The following PTPRG variants were observed in gnomAD, a reference collection of about 807,000 sequenced individuals.
PTPRG encodes the protein receptor-type tyrosine-protein phosphatase gamma.
A neutral mutation model predicts 165.3 loss-of-function variants in PTPRG; 102 were observed. That is an observed-to-expected ratio of 0.62 (90% CI 0.53 to 0.73). The LOEUF (loss-of-function observed/expected upper bound fraction) is 0.73, where lower values mean the gene tolerates loss of function less well. Ranked by LOEUF, PTPRG falls within the 30% of genes least tolerant of loss-of-function variation. The pLI is 0.00. For missense variants in PTPRG, 1,866 were observed against 1,861.4 expected (o/e 1.00, Z -0.05); for synonymous variants, 675 against 669.5 (o/e 1.01, Z -0.13).
At chr3:61,811,647 A>C (rs868528571) in intron 2 of PTPRG, among the ~76,000 whole-genome samples, 10 of 152,310 alleles carry the variant, frequency 6.6e-5, no homozygotes, top group African/African-American at 2.4e-4. Context: ...CTGCTTTTTC[A>C]CAAAACACAA....
At chr3:62,020,781 A>G (rs1188095418) in intron 4 of PTPRG, among the ~76,000 whole-genome samples, 2 of 151,266 alleles carry the variant, frequency 1.3e-5, no homozygotes, top group East Asian at 1.9e-4. Context: ...GTGGCACATC[A>G]CAGCTCACTG....
chr3:61,820,365 G>T (rs180784430), intron 2 of PTPRG, among the ~76,000 whole-genome samples: 2 of 152,246 alleles, frequency 1.3e-5, no homozygotes, highest in African/African-American at 4.8e-5. Flanking sequence ...CACTCAGGGT[G>T]CCCTGAATGG....
At position 61,798,619 on chromosome 3, in the gene PTPRG, G is replaced by GTTTTT. The variant is rs375412571; in HGVS notation, c.190+49652_190+49656dup. Among the ~76,000 whole-genome samples, 4 of 128,140 alleles carry GTTTTT rather than the reference G, an allele frequency of 3.1e-5. 1 individual carries two copies. Among genetic ancestry groups the GTTTTT allele is most frequent in the Non-Finnish European group, 3.2e-5 (2 of 61,642 alleles). 84.1% of individuals were successfully genotyped at this position (128,140 alleles called of 152,430 possible). ...CAAAGTGCTGTTGTTGTTGCTGCTG[G>GTTTTT]TTTTTTTTTTTTTTTTTTTAAACCC... is the stretch of plus-strand genomic sequence containing the variant. On this transcript the variant is annotated intron_variant, in intron 2 of 29. Coordinates refer to ENST00000474889, the MANE Select transcript of PTPRG (RefSeq NM_002841.4).
At chr3:61,794,854 A>T (rs1240886523) in intron 2 of PTPRG, among the ~76,000 whole-genome samples, 1 of 152,154 alleles carries the variant, frequency 6.6e-6, no homozygotes, top group East Asian at 1.9e-4. Flanking sequence ...GGTGTGTTTT[A>T]TACTCTATAA....
intron 4 of PTPRG, among the ~76,000 whole-genome samples, chr3:62,069,313 A>G (rs189001635): frequency 1.3e-5 from 2 of 152,330 alleles, no homozygotes; most frequent in East Asian, 3.9e-4. Flanking sequence ...TTCAATATAC[A>G]AATCCGGTCT....
At chr3:61,630,811 A>G (rs969875836) in intron 1 of PTPRG, among the ~76,000 whole-genome samples, 3 of 152,116 alleles carry the variant, frequency 2.0e-5, no homozygotes, top group African/African-American at 7.2e-5. Context: ...TAATCCCAGC[A>G]CTTTGGGAGG....
Position 62,203,655 on chromosome 3 carries a change from G to T in PTPRG, c.1860G>T (p.Gln620His). Residue 620 changes from glutamine (Q) to histidine (H), a missense_variant, in exon 12 of 30, where the codon CAG becomes CAT. Physicochemically the swap from Gln to His is conservative, Grantham distance 24. Coordinates refer to ENST00000474889, the MANE Select transcript of PTPRG (RefSeq NM_002841.4). This position sits in a 1 kb window ranked among gnomAD's most constrained non-coding sequence, Gnocchi z 6.4. ...GVTHAAEERN[Q>H]TEPSPTPSSP... Reference sequence around the variant, plus strand: ...CCCACGCTGCCGAGGAGCGGAATCAGACGGAGCCCAGCCCCACACCCTCGT... The same window carrying T: ...CCCACGCTGCCGAGGAGCGGAATCATACGGAGCCCAGCCCCACACCCTCGT... 4 of 1,561,904 alleles carry T rather than the reference G, an allele frequency of 2.6e-6. No individual in the cohort carries two copies. The South Asian group carries it at 3.5e-5, about 14-fold the overall frequency.
intron 26 of PTPRG, among the ~76,000 whole-genome samples, chr3:62,279,990 A>G (rs1702373214): frequency 6.6e-6 from 1 of 151,966 alleles, no homozygotes; most frequent in Admixed American, 6.6e-5. Context: ...ACAGTCTCCA[A>G]CCTATGCAAC....
In PTPRG at chr3:61,672,987, CTG is replaced by C. The variant is rs1324301043; in HGVS notation, c.86-75889_86-75888del. On this transcript the variant is annotated intron_variant, in intron 1 of 29. Coordinates refer to ENST00000474889, the MANE Select transcript of PTPRG (RefSeq NM_002841.4). ...GACCAGCCTGTGTGACATGGTGAGA[CTG>C]TCTCTGCAAAATATAAAAAATTAGC... Among the ~76,000 whole-genome samples, 7 of 149,636 alleles carry C rather than the reference CTG, an allele frequency of 4.7e-5. No individual in the cohort carries two copies. In the Admixed American group the frequency reaches 4.7e-4, roughly 10 times the overall value.
chr3:62,264,285 C>T (rs1352736490), intron 17 of PTPRG: 1 of 152,148 alleles, frequency 6.6e-6, no homozygotes, highest in African/African-American at 2.4e-5. Context: ...TGCACTCAAG[C>T]CTGGGGAACA....
chr3:61,567,533 G>C (rs1421020574), intron 1 of PTPRG, among the ~76,000 whole-genome samples: 1 of 151,688 alleles, frequency 6.6e-6, no homozygotes, highest in African/African-American at 2.4e-5. Context: ...AAATTAGCTG[G>C]GTGCACTCTT....
At chr3:62,004,537 C>T (rs1236207426) in intron 4 of PTPRG, among the ~76,000 whole-genome samples, 1 of 152,194 alleles carries the variant, frequency 6.6e-6, no homozygotes, top group Non-Finnish European at 1.5e-5. Context: ...ACATTTCTTC[C>T]TTGCTATATA....
intron 1 of PTPRG, among the ~76,000 whole-genome samples, chr3:61,698,840 T>C (rs576506929): frequency 6.6e-6 from 1 of 152,244 alleles, no homozygotes; most frequent in South Asian, 2.1e-4. Context: ...TATGCAGCCA[T>C]AAAAAATGAT....
intron 2 of PTPRG, among the ~76,000 whole-genome samples, chr3:61,982,247 G>A (rs1054095832): frequency 6.6e-6 from 1 of 152,134 alleles, no homozygotes; most frequent in Non-Finnish European, 1.5e-5. Flanking sequence ...AGTAAGAATT[G>A]TGATAACTTT....
chr3:61,788,109 C>A (rs1328464177), intron 2 of PTPRG, among the ~76,000 whole-genome samples: 2 of 152,140 alleles, frequency 1.3e-5, no homozygotes, highest in African/African-American at 4.8e-5. Flanking sequence ...CAACTTCTTT[C>A]CTTTTCCCAG....
chr3:61,639,897 C>T (rs531904504), intron 1 of PTPRG, among the ~76,000 whole-genome samples: 1 of 152,228 alleles, frequency 6.6e-6, no homozygotes, highest in African/African-American at 2.4e-5. Context: ...CTTTCTTTCT[C>T]TTACCTGATT....
intron 3 of PTPRG, among the ~76,000 whole-genome samples, chr3:62,002,484 AT>A (rs2041195645): frequency 6.6e-6 from 1 of 152,184 alleles, no homozygotes; most frequent in Admixed American, 6.5e-5. Context: ...CTTGAATAGA[AT>A]TTGTTTTTTA....
At chr3:62,174,998 A>T (rs1259409381) in intron 8 of PTPRG, among the ~76,000 whole-genome samples, 1 of 150,760 alleles carries the variant, frequency 6.6e-6, no homozygotes, top group Non-Finnish European at 1.5e-5. Flanking sequence ...AAGAAAGAAG[A>T]CAAAAAAAAC....
intron 4 of PTPRG, among the ~76,000 whole-genome samples, chr3:62,005,226 C>T (rs971377322): frequency 2.0e-5 from 3 of 152,166 alleles, no homozygotes; most frequent in South Asian, 2.1e-4. Context: ...GTCACAATAA[C>T]GATATCTTTC....
Sources: allele counts gnomAD v4.1 joint callset (sites outside exome capture counted in the v4.1 genomes callset), GRCh38; gene constraint gnomAD v4.1.1; non-coding constraint Gnocchi (gnomAD v3.1); transcripts MANE v1.5; gene names NCBI Gene and HGNC (gene_info 2026-07-23, HGNC 2026-07-21).